The following PDZRN4 variants were observed in gnomAD, a reference collection of about 807,000 sequenced individuals.
PDZRN4 encodes PDZ domain-containing RING finger protein 4.
PDZRN4 carries 70 observed loss-of-function variants against 99.0 expected under a neutral mutation model. That is an observed-to-expected ratio of 0.71 (90% confidence interval 0.58 to 0.86). The LOEUF (loss-of-function observed/expected upper bound fraction) is 0.86, where lower values mean the gene tolerates loss of function less well. PDZRN4 is among the 40% of genes least tolerant of loss of function. The probability of loss-of-function intolerance (pLI) is 0.00; values close to 1 mark genes in which losing one functional copy is unlikely to be tolerated. For missense variants in PDZRN4, 1,474 were observed against 1,331.2 expected, an observed-to-expected ratio of 1.11 and a Z score of -1.67; for synonymous variants, 551 against 501.6, an observed-to-expected ratio of 1.10 and a Z score of -1.32.
chr12:41,458,701 C>A (rs763232945), intron 3 of PDZRN4, among the ~76,000 whole-genome samples: 2 of 152,070 alleles, frequency 1.3e-5, no homozygotes, highest in Non-Finnish European at 1.5e-5. Flanking sequence ...GCCCTGGAGG[C>A]TCCTGTTGGT....
At chr12:41,528,928 C>T (rs1462454547) in intron 5 of PDZRN4, among the ~76,000 whole-genome samples, 3 of 151,324 alleles carry the variant, frequency 2.0e-5, no homozygotes, top group African/African-American at 7.3e-5. Flanking sequence ...TTTTTTTTTG[C>T]TACAGCCTTC....
At chr12:41,492,022 A>G (rs1297988600) in intron 3 of PDZRN4, among the ~76,000 whole-genome samples, 2 of 152,184 alleles carry the variant, frequency 1.3e-5, no homozygotes, top group African/African-American at 4.8e-5. Flanking sequence ...GAAAAATGGA[A>G]TTTATGCTAT....
chr12:41,275,238 T>C (rs1341486235), intron 3 of PDZRN4, among the ~76,000 whole-genome samples: 1 of 152,162 alleles, frequency 6.6e-6, no homozygotes, highest in African/African-American at 2.4e-5. Flanking sequence ...AGTCCGTATT[T>C]CAGATAGCCT....
At position 41,573,504 on chromosome 12, in the gene PDZRN4, C is replaced by T. The variant is rs1939521982; in HGVS notation, c.2725C>T (p.Arg909Ter). The T allele has an allele frequency of 1.9e-6, 3 of 1,613,700 alleles. No homozygotes were observed. Among genetic ancestry groups the T allele is most frequent in the Non-Finnish European group, 2.5e-6 (3 of 1,179,986 alleles). Residue 909 changes from arginine (R) to a stop codon, truncating the protein, a stop_gained, in exon 10 of 10, where the codon CGA (arginine) becomes TGA (stop). Transcript: ENST00000402685. LOFTEE classifies it high-confidence loss of function. ...CATCACAAAGAGACCCGTGCGAGAC[C>T]GAATCCTGAAGGAACGTGCCTTAAA... ...RYITKRPVRD[R>*]ILKERALKIK...
intron 3 of PDZRN4, among the ~76,000 whole-genome samples, chr12:41,227,798 G>A (rs963001727): frequency 6.6e-6 from 1 of 151,694 alleles, no homozygotes; most frequent in African/African-American, 2.4e-5. Context: ...TGTGAAGTGT[G>A]ATAATGAAAC....
intron 3 of PDZRN4, among the ~76,000 whole-genome samples, chr12:41,483,894 C>T (rs1190493869): frequency 6.6e-6 from 1 of 152,022 alleles, no homozygotes; most frequent in Non-Finnish European, 1.5e-5. Flanking sequence ...AGAAAAGAGC[C>T]CTCTTCATCT....
intron 3 of PDZRN4, among the ~76,000 whole-genome samples, chr12:41,394,493 A>G (rs983313658): frequency 6.6e-6 from 1 of 152,208 alleles, no homozygotes; most frequent in Admixed American, 6.5e-5. Context: ...GTAGCAGCTT[A>G]AAACACAAAC....
chr12:41,393,053 C>A (rs942406060), intron 3 of PDZRN4, among the ~76,000 whole-genome samples: 3 of 152,158 alleles, frequency 2.0e-5, no homozygotes, highest in Non-Finnish European at 4.4e-5. Context: ...TCACTATCAC[C>A]AGTGCCTATG....
At chr12:41,475,355 G>A (rs954611288) in intron 3 of PDZRN4, among the ~76,000 whole-genome samples, 3 of 152,106 alleles carry the variant, frequency 2.0e-5, no homozygotes, top group African/African-American at 7.2e-5. Context: ...TTTGCAGCCT[G>A]TAAAATTGTA....
chr12:41,314,709 T>C (rs1397246307), intron 3 of PDZRN4, among the ~76,000 whole-genome samples: 1 of 152,140 alleles, frequency 6.6e-6, no homozygotes, highest in East Asian at 1.9e-4. Context: ...CGTTTGGGTT[T>C]TTCTTGTTTT....
intron 3 of PDZRN4, among the ~76,000 whole-genome samples, chr12:41,275,369 A>G (rs1431848337): frequency 6.6e-6 from 1 of 152,138 alleles, no homozygotes; most frequent in African/African-American, 2.4e-5. Flanking sequence ...ACTTGAACTA[A>G]CCCACTAGAA....
chr12:41,308,193 T>TA (rs750403789), intron 3 of PDZRN4, among the ~76,000 whole-genome samples: 11 of 152,092 alleles, frequency 7.2e-5, no homozygotes, highest in Non-Finnish European at 1.6e-4. Flanking sequence ...AAGGTAAAAC[T>TA]AAAAAAATAC....
intron 3 of PDZRN4, among the ~76,000 whole-genome samples, chr12:41,346,449 G>A (rs1027330723): frequency 2.0e-5 from 3 of 151,812 alleles, no homozygotes; most frequent in African/African-American, 7.3e-5. Context: ...GTGAAAGAGC[G>A]AGATTCCGTC....
chr12:41,188,935 C>T lies in PDZRN4; in HGVS notation c.480C>T (p.Pro160=), dbSNP rs1347232144. 16 of 1,249,466 alleles carry T rather than the reference C, an allele frequency of 1.3e-5. No homozygotes were observed. The highest frequency in any genetic ancestry group is 1.5e-5 in the Non-Finnish European group (15 of 997,078). 77.4% of individuals were successfully genotyped at this position (1,249,466 alleles called of 1,614,324 possible). A position where few individuals can be genotyped will look rare whatever the true frequency, so the allele number is the denominator to read the frequency against. ...GCCGCTGGGGCCGCGGGCGGGGACC[C>T]GGGCCTCGGGTCCTCGCCTGGAGGC... ...PGGRWGRGRG[P]GPRVLAWRRR... is the part of the protein sequence containing the mutation. Residue 160 remains proline, a synonymous_variant, in exon 1 of 10, where the codon CCC becomes CCT. Coordinates refer to ENST00000402685, the MANE Select transcript of PDZRN4 (RefSeq NM_001164595.2).
At chr12:41,352,926 T>A (rs180749613) in intron 3 of PDZRN4, among the ~76,000 whole-genome samples, 4 of 152,194 alleles carry the variant, frequency 2.6e-5, no homozygotes, top group Non-Finnish European at 5.9e-5. Context: ...TAATGAATAA[T>A]ATGGATTAAA....
rs75669955 is a variant in PDZRN4 at position 41,564,920 on chromosome 12, A to G, written c.1467+1271A>G. ...AAATTGAAGTTGCCATCTCTATTGT[A>G]GAGAAGATATTTTTATGTTATAATG... is the stretch of plus-strand genomic sequence containing the variant. On this transcript the variant is annotated intron_variant, in intron 8 of 9. Coordinates refer to ENST00000402685, the MANE Select transcript of PDZRN4 (RefSeq NM_001164595.2). Among the ~76,000 whole-genome samples, 1,209 of 152,332 alleles carry G rather than the reference A, an allele frequency of 7.9e-3. 43 individuals carry two copies. In the East Asian group the frequency reaches 0.14, roughly 17 times the overall value.
rs1939536321 is a variant in PDZRN4, at chr12:41,574,105, A to G, written c.*215A>G. 1.4e-5 allele frequency: 5 copies of G among 367,484 alleles called. No individual in the cohort carries two copies. The East Asian group carries it at 2.0e-4, about 15-fold the overall frequency. 22.8% of individuals were successfully genotyped at this position (367,484 alleles called of 1,614,324 possible). ...GAGATCTTTCTTTTACTTGTGATAT[A>G]TTCATATTACTCGTTTATAAAAAAT... is the stretch of plus-strand genomic sequence containing the variant. On this transcript the variant is annotated 3_prime_UTR_variant, in exon 10 of 10. Coordinates refer to ENST00000402685, the MANE Select transcript of PDZRN4 (RefSeq NM_001164595.2).
At chr12:41,438,508 T>C (rs1351931155) in intron 3 of PDZRN4, among the ~76,000 whole-genome samples, 1 of 152,156 alleles carries the variant, frequency 6.6e-6, no homozygotes, top group Admixed American at 6.5e-5. Flanking sequence ...GACCTAGTAA[T>C]TTTGTATTAC....
chr12:41,441,160 TATTAACA>T lies in PDZRN4; in HGVS notation c.844-65294_844-65288del, dbSNP rs1412820010. 3.3e-5 allele frequency among the ~76,000 whole-genome samples: 5 copies of T among 152,174 alleles called. No individual in the cohort carries two copies. The East Asian group carries it at 9.6e-4, about 29-fold the overall frequency. On this transcript the variant is annotated intron_variant, in intron 3 of 9. Transcript: ENST00000402685. ...GGAGCAAATATTTAGAAGACCATAC[TATTAACA>T]AGAAGCTGTTTATAGGATTTCATCT...
Sources: gnomAD v4.1 joint callset for allele counts (sites outside exome capture counted in the v4.1 genomes callset) on GRCh38, gnomAD v4.1.1 for gene constraint, MANE v1.5 for transcripts, NCBI Gene and HGNC (gene_info 2026-07-23, HGNC 2026-07-21) for gene names.